The following VPS45 variants were observed in gnomAD, a reference collection of about 807,000 sequenced individuals.
The protein encoded by VPS45 is vacuolar protein sorting-associated protein 45.
Under a neutral mutation model 75.9 loss-of-function variants are expected in VPS45, and 35 were observed. The observed-to-expected ratio is 0.46, with a 90% CI of 0.35 to 0.61. The LOEUF (loss-of-function observed/expected upper bound fraction) is 0.61. Among genes scored for constraint, VPS45 ranks in the 20% least tolerant of loss-of-function variants. VPS45 has a pLI of 0.00. For missense variants in VPS45, 559 were observed against 685.9 expected, an observed-to-expected ratio of 0.81 and a Z score of 2.07; for synonymous variants, 220 against 238.2, an observed-to-expected ratio of 0.92 and a Z score of 0.70.
chr1:150,119,836 C>G (rs1658138690), intron 14 of VPS45, among the ~76,000 whole-genome samples: 1 of 152,136 alleles, frequency 6.6e-6, no homozygotes, highest in South Asian at 2.1e-4. Context: ...AGGCCGGGCG[C>G]GGTGGCTCAT....
chr1:150,092,342 G>A lies in VPS45; in HGVS notation c.1304G>A (p.Arg435Lys), dbSNP rs201639610. The A allele has an allele frequency of 2.5e-6, 4 of 1,614,136 alleles. No individual in the cohort carries two copies. Among genetic ancestry groups the A allele is most frequent in the Non-Finnish European group, 3.4e-6 (4 of 1,180,016 alleles). Reference protein sequence around the residue: ...AVVEYGGKRVRGSDLFSPKDA... With the variant: ...AVVEYGGKRVKGSDLFSPKDA... ...GTTGAATATGGTGGTAAACGAGTCA[G>A]AGGAAGTGACCTCTTCAGCCCCAAA... The change falls in exon 12 of 15, where the codon AGA becomes AAA. Residue 435 changes from arginine to lysine, a missense_variant. By Grantham distance (26) the Arg-to-Lys change is conservative. Transcript: ENST00000644510.
At chr1:150,088,459 T>C (rs1243989174) in intron 10 of VPS45, among the ~76,000 whole-genome samples, 1 of 456 alleles carries the variant, frequency 2.2e-3, no homozygotes, top group Non-Finnish European at 5.4e-3. Context: ...ATATATATGC[T>C]GCTATTTTCT....
At chr1:150,137,001 C>A (rs1436842524) in intron 14 of VPS45, among the ~76,000 whole-genome samples, 1 of 152,116 alleles carries the variant, frequency 6.6e-6, no homozygotes, top group Non-Finnish European at 1.5e-5. Flanking sequence ...CAGGTTCAAG[C>A]GATTCTCCAG....
rs1553798470 is a variant in VPS45 at position 150,077,798 on chromosome 1, G to T, written c.687+19G>T. The T allele has an allele frequency of 6.4e-7, 1 of 1,564,846 alleles. No homozygotes were observed. The highest frequency in any genetic ancestry group is 1.7e-5 in the Admixed American group (1 of 59,900). ...AAACCAGGTACAAAACCCTTTCTTGGCATAATAGAAGGATAATTTTAAGTG... is the reference window on the plus strand; with the variant it reads ...AAACCAGGTACAAAACCCTTTCTTGTCATAATAGAAGGATAATTTTAAGTG... On this transcript the variant is annotated intron_variant, in intron 7 of 14. Coordinates refer to ENST00000644510, the MANE Select transcript of VPS45 (RefSeq NM_007259.5).
chr1:150,111,618 G>A (rs1559929111), intron 14 of VPS45, among the ~76,000 whole-genome samples: 1 of 152,112 alleles, frequency 6.6e-6, no homozygotes. Flanking sequence ...GACCCTGAGA[G>A]ATCCATGCTG....
Position 150,081,356 on chromosome 1 carries a change from C to T in VPS45, c.702C>T (p.Ala234=), listed in dbSNP as rs782301145. 17 of 1,603,242 alleles carry T rather than the reference C, an allele frequency of 1.1e-5. 1 individual carries two copies. The Middle Eastern group carries it at 5.0e-4, about 47-fold the overall frequency. ...TCTTTATTTAGTGGACATATCAGGC[C>T]ATGGTCCACGAACTACTAGGCATAA... The part of the protein sequence containing the change: ...TPLLNQWTYQ[A]MVHELLGINN... Residue 234 remains alanine, a synonymous_variant, in exon 8 of 15, where the codon GCC becomes GCT. Coordinates refer to ENST00000644510, the MANE Select transcript of VPS45 (RefSeq NM_007259.5).
At chr1:150,102,080 A>AC (rs1657053668) in intron 13 of VPS45, among the ~76,000 whole-genome samples, 42 of 428 alleles carry the variant, frequency 0.098, 1 homozygote, top group Non-Finnish European at 0.028. Context: ...CTACTAAAAA[A>AC]TAAAAAAATT....
intron 14 of VPS45, among the ~76,000 whole-genome samples, chr1:150,142,642 G>A (rs183712206): frequency 2.6e-5 from 4 of 152,244 alleles, no homozygotes; most frequent in African/African-American, 9.6e-5. Flanking sequence ...AGAGAGTCCT[G>A]AGCATCCAAA....
At chr1:150,118,754 A>T (rs1658080165) in intron 14 of VPS45, among the ~76,000 whole-genome samples, 1 of 152,188 alleles carries the variant, frequency 6.6e-6, no homozygotes, top group Non-Finnish European at 1.5e-5. Context: ...CAGTCCTGCG[A>T]AGGCCTTATG....
rs1656395604 is a variant in VPS45, at chr1:150,092,674, T to C, written c.1371+265T>C. On this transcript the variant is annotated intron_variant, in intron 12 of 14. Transcript: ENST00000644510. ...GAAATAAGAAGAAAAAGACCAACAG[T>C]TCTGTTAGTCACAGATATTTTACAC... The C allele has an allele frequency of 1.2e-5, 3 of 240,018 alleles. No individual in the cohort carries two copies. The South Asian group carries it at 4.9e-4, about 40-fold the overall frequency. 14.9% of individuals were successfully genotyped at this position (240,018 alleles called of 1,614,324 possible). A position where few individuals can be genotyped will look rare whatever the true frequency, so the allele number is the denominator to read the frequency against.
In VPS45 at chr1:150,144,863, A is replaced by G. The variant is rs1659595050; in HGVS notation, c.*67A>G. 6.2e-7 allele frequency: 1 copy of G among 1,607,936 alleles called. No individual in the cohort carries two copies. Among genetic ancestry groups the G allele is most frequent in the East Asian group, 2.2e-5 (1 of 44,844 alleles). On this transcript the variant is annotated 3_prime_UTR_variant, in exon 15 of 15. Coordinates refer to ENST00000644510, the MANE Select transcript of VPS45 (RefSeq NM_007259.5). ...CACTACAGGTTTTCCCTACTAAACA[A>G]AGGTGTTGGAGAGCAGCTTTGGGTT...
intron 14 of VPS45, chr1:150,142,943 C>T (rs1659471767): frequency 2.6e-6 from 1 of 388,028 alleles, no homozygotes; most frequent in Non-Finnish European, 5.2e-6. Flanking sequence ...TAAGCCACTG[C>T]ACCCGTCCAT....
At chr1:150,126,824 G>A (rs1658544994) in intron 14 of VPS45, among the ~76,000 whole-genome samples, 1 of 152,120 alleles carries the variant, frequency 6.6e-6, no homozygotes, top group Non-Finnish European at 1.5e-5. Context: ...AAATTAGCCA[G>A]GCATCATGGT....
intron 10 of VPS45, among the ~76,000 whole-genome samples, chr1:150,090,991 A>G (rs1200511923): frequency 6.6e-6 from 1 of 152,212 alleles, no homozygotes; most frequent in African/African-American, 2.4e-5. Flanking sequence ...GGTATTGGTA[A>G]GGCTTCCCCT....
chr1:150,131,173 A>G (rs1321352714), intron 14 of VPS45, among the ~76,000 whole-genome samples: 1 of 152,144 alleles, frequency 6.6e-6, no homozygotes, highest in African/African-American at 2.4e-5. Flanking sequence ...TCTTCACATC[A>G]TGCCCGTGCC....
intron 14 of VPS45, among the ~76,000 whole-genome samples, chr1:150,131,034 A>C (rs1424910869): frequency 6.6e-6 from 1 of 152,204 alleles, no homozygotes; most frequent in Non-Finnish European, 1.5e-5. Flanking sequence ...GCTGGATTCC[A>C]TGCACTGCTG....
intron 14 of VPS45, among the ~76,000 whole-genome samples, chr1:150,136,912 G>C (rs587767357): frequency 6.6e-6 from 1 of 152,044 alleles, no homozygotes; most frequent in South Asian, 2.1e-4. Flanking sequence ...TTGTTTGTTT[G>C]TTTTGAGACA....
intron 14 of VPS45, among the ~76,000 whole-genome samples, chr1:150,121,592 G>C (rs148553938): frequency 7.9e-5 from 12 of 152,250 alleles, no homozygotes; most frequent in African/African-American, 2.9e-4. Flanking sequence ...TGTAGGGGAG[G>C]GGGAATGTCA....
intron 14 of VPS45, among the ~76,000 whole-genome samples, chr1:150,137,870 G>T (rs980538661): frequency 8.6e-5 from 12 of 138,778 alleles, no homozygotes; most frequent in African/African-American, 3.0e-4. Flanking sequence ...AGCCGAGATT[G>T]TGCCACTGCA....
Sources: gnomAD v4.1 joint callset for allele counts (sites outside exome capture counted in the v4.1 genomes callset) on GRCh38, gnomAD v4.1.1 for gene constraint, MANE v1.5 for transcripts, NCBI Gene and HGNC (gene_info 2026-07-23, HGNC 2026-07-21) for gene names.